Variants in FBXO4 observed in about 807,000 individuals in gnomAD.
FBXO4 encodes F-box protein 4, also known as F-box only protein 4.
In FBXO4, 36 loss-of-function variants were observed where a neutral mutation model predicts 43.7. The ratio of observed to expected loss-of-function variants is 0.82; its 90% CI spans 0.63 to 1.09. The LOEUF (loss-of-function observed/expected upper bound fraction) is 1.09. Among genes scored for constraint, FBXO4 ranks in the 50% least tolerant of loss-of-function variants. FBXO4 has a pLI of 0.00. For synonymous variants in FBXO4, 180 were observed against 165.6 expected (o/e 1.09, Z -0.67); for missense variants, 435 against 474.1 (o/e 0.92, Z 0.77).
the FBXO4 span, among the ~76,000 whole-genome samples, chr5:42,020,980 G>C: frequency 6.6e-6 from 1 of 152,104 alleles, no homozygotes; most frequent in Non-Finnish European, 1.5e-5. Context: ...AATGCAACTG[G>C]AGTATAGGGT....
chr5:41,935,556 T>G (rs192599804), intron 5 of FBXO4, among the ~76,000 whole-genome samples: 1 of 152,296 alleles, frequency 6.6e-6, no homozygotes, highest in Non-Finnish European at 1.5e-5. Flanking sequence ...CTGATACAAA[T>G]TAAATGTTTG....
Position 41,925,384 on chromosome 5 carries a change from G to A in FBXO4, c.75G>A (p.Ala25=). Residue 25 remains alanine (A), a synonymous_variant, in exon 1 of 7, where the codon GCG becomes GCA. Coordinates refer to ENST00000281623, the MANE Select transcript of FBXO4 (RefSeq NM_012176.3). The part of the protein sequence containing the change: ...PPFSDWGRLE[A]AILSGWKTFW... The stretch of plus-strand genomic sequence containing the variant: ...TCAGCGACTGGGGCCGCCTGGAGGC[G>A]GCCATCCTCAGCGGCTGGAAGACCT... 5 of 1,384,982 alleles carry A rather than the reference G, an allele frequency of 3.6e-6. No individual in the cohort carries two copies. In the South Asian group the frequency reaches 4.9e-5, roughly 14 times the overall value. The allele number at this position is 1,384,982 out of a possible 1,614,324, so 85.8% of individuals were successfully genotyped here.
At chr5:42,017,913 A>G in the FBXO4 span, among the ~76,000 whole-genome samples, 1,444 of 152,044 alleles carry the variant, frequency 9.5e-3, 27 homozygotes, top group African/African-American at 0.033. Flanking sequence ...ATGTGAGTGC[A>G]TGTGTCTTTT....
intron 3 of FBXO4, among the ~76,000 whole-genome samples, chr5:41,933,641 ATAG>A (rs1395154655): frequency 9.9e-5 from 15 of 152,202 alleles, no homozygotes; most frequent in African/African-American, 3.1e-4. Flanking sequence ...TTGAGGATAA[ATAG>A]TAGTAGCTGT....
the FBXO4 span, among the ~76,000 whole-genome samples, chr5:42,009,593 TAAATA>T: frequency 3.4e-3 from 516 of 152,106 alleles, 2 homozygotes; most frequent in African/African-American, 0.012. Flanking sequence ...TTTCTGACTT[TAAATA>T]AAATGACTAC....
chr5:42,009,375 ATG>A, the FBXO4 span, among the ~76,000 whole-genome samples: 74,129 of 143,326 alleles, frequency 0.52, 19,496 homozygotes, highest in East Asian at 0.75. Flanking sequence ...GTGTGTGTGT[ATG>A]TGTGTGTGTG....
the FBXO4 span, chr5:41,967,889 T>C: frequency 1.8e-6 from 1 of 571,034 alleles, no homozygotes; most frequent in South Asian, 1.4e-5. Flanking sequence ...TTCACAATTA[T>C]CTCACTGTTG....
At chr5:41,958,566 CCTT>C in the FBXO4 span, among the ~76,000 whole-genome samples, 1 of 152,178 alleles carries the variant, frequency 6.6e-6, no homozygotes, top group Non-Finnish European at 1.5e-5. Context: ...TCACCATCCC[CCTT>C]CTTCTGGTAA....
At chr5:41,957,104 A>C in the FBXO4 span, among the ~76,000 whole-genome samples, 2 of 151,972 alleles carry the variant, frequency 1.3e-5, no homozygotes, top group African/African-American at 4.8e-5. Flanking sequence ...TGTATTTACT[A>C]TTACTAGATT....
the FBXO4 span, among the ~76,000 whole-genome samples, chr5:42,012,372 T>C: frequency 6.6e-6 from 1 of 152,040 alleles, no homozygotes. Context: ...AGATCTATGT[T>C]ACTAAAGATC....
rs1275579055 is a variant in FBXO4 at position 41,933,960 on chromosome 5, G to A, written c.661G>A (p.Val221Ile). ...TTCTTTCTTAGGTATTGGATCAGGA[G>A]TCAATTTTCAGTTGAACAACCAACA... ...QRQIDGIGSG[V>I]NFQLNNQHKF... The change falls in exon 4 of 7, where the codon GTC becomes ATC. Residue 221 changes from valine to isoleucine, a missense_variant. Physicochemically the swap from Val to Ile is conservative, Grantham distance 29. Transcript: ENST00000281623. 1.1e-5 allele frequency: 17 copies of A among 1,612,886 alleles called. No individual in the cohort carries two copies. Among genetic ancestry groups the A allele is most frequent in the Non-Finnish European group, 1.3e-5 (15 of 1,179,644 alleles).
chr5:41,993,618 GAT>G, the FBXO4 span, among the ~76,000 whole-genome samples: 6,923 of 136,338 alleles, frequency 0.051, 425 homozygotes, highest in African/African-American at 0.13. Flanking sequence ...GAACTAATAG[GAT>G]ATATATATAT....
chr5:42,032,505 G>A, the FBXO4 span, among the ~76,000 whole-genome samples: 4 of 152,074 alleles, frequency 2.6e-5, no homozygotes, highest in Non-Finnish European at 5.9e-5. Context: ...TTACCTCTTA[G>A]CCCCCACCAC....
At chr5:41,967,920 C>T in the FBXO4 span, 1 of 545,182 alleles carries the variant, frequency 1.8e-6, no homozygotes, top group Admixed American at 1.9e-5. Context: ...CTGCAGCTGC[C>T]CTGGTTTTGT....
chr5:41,964,203 A>G, the FBXO4 span, among the ~76,000 whole-genome samples: 2 of 152,186 alleles, frequency 1.3e-5, no homozygotes, highest in African/African-American at 4.8e-5. Context: ...TTACTTTAAA[A>G]TATTTCAGAT....
At chr5:41,954,761 A>G in the FBXO4 span, among the ~76,000 whole-genome samples, 1 of 152,170 alleles carries the variant, frequency 6.6e-6, no homozygotes, top group South Asian at 2.1e-4. Context: ...GCTGAAGTGA[A>G]GGGGGTATAT....
intron 3 of FBXO4, among the ~76,000 whole-genome samples, chr5:41,931,203 C>T (rs890040917): frequency 9.2e-5 from 14 of 152,086 alleles, no homozygotes; most frequent in African/African-American, 3.4e-4. Flanking sequence ...CATTAAGAAG[C>T]CACTGTAATG....
the FBXO4 span, among the ~76,000 whole-genome samples, chr5:42,018,261 T>C: frequency 6.6e-6 from 1 of 151,612 alleles, no homozygotes; most frequent in Non-Finnish European, 1.5e-5. Flanking sequence ...ATGTTTCAGA[T>C]TAGCAGTGAA....
In FBXO4 at chr5:41,925,603, G is replaced by T. The variant is rs950962061; in HGVS notation, c.189+105G>T. The T allele has an allele frequency of 9.3e-6, 8 of 860,650 alleles. No individual in the cohort carries two copies. In the African/African-American group the frequency reaches 1.2e-4, roughly 13 times the overall value. The allele number at this position is 860,650 out of a possible 1,614,324, so 53.3% of individuals were successfully genotyped here. On this transcript the variant is annotated intron_variant, in intron 1 of 6. Coordinates refer to ENST00000281623, the MANE Select transcript of FBXO4 (RefSeq NM_012176.3). Reference sequence around the variant, plus strand: ...TGGGGAACTCTCGCGCCCCGGCCTGGGTCTGGCTCCGTCCATGCAGCCATT... The same window carrying T: ...TGGGGAACTCTCGCGCCCCGGCCTGTGTCTGGCTCCGTCCATGCAGCCATT...
Sources: gnomAD v4.1 joint callset for allele counts (sites outside exome capture counted in the v4.1 genomes callset) on GRCh38, gnomAD v4.1.1 for gene constraint, MANE v1.5 for transcripts, NCBI Gene and HGNC (gene_info 2026-07-23, HGNC 2026-07-21) for gene names.